The following POLR2F variants were observed in gnomAD, a reference collection of about 807,000 sequenced individuals.
POLR2F encodes DNA-directed RNA polymerases I, II, and III subunit RPABC2.
In POLR2F, 12 loss-of-function variants were observed where a neutral mutation model predicts 22.7. The ratio of observed to expected loss-of-function variants is 0.53; its 90% CI spans 0.34 to 0.86. The LOEUF (loss-of-function observed/expected upper bound fraction) is 0.86, where lower values mean the gene tolerates loss of function less well. Ranked by LOEUF, POLR2F falls within the 40% of genes least tolerant of loss-of-function variation. The probability of loss-of-function intolerance (pLI) is 0.02; values close to 1 mark genes in which losing one functional copy is unlikely to be tolerated. For synonymous variants in POLR2F, 57 were observed against 66.0 expected (o/e 0.86, Z 0.66); for missense variants, 126 against 171.5 (o/e 0.73, Z 1.48).
chr22:37,975,207 G>A (rs1221676038), intron 4 of POLR2F, among the ~76,000 whole-genome samples: 2 of 152,188 alleles, frequency 1.3e-5, no homozygotes, highest in African/African-American at 2.4e-5. Flanking sequence ...GGATACTAAT[G>A]TAAATAAAAT....
rs147409260 is a variant in POLR2F, at chr22:37,992,490, G to C, written c.120+6178G>C. Among the ~76,000 whole-genome samples the C allele has an allele frequency of 8.7e-3, 1,322 of 152,096 alleles. 25 individuals carry two copies. The highest frequency in any genetic ancestry group is 0.031 in the African/African-American group (1,278 of 41,464). ...GCTCACTGCAACATTTGGCTCCCAGGTTCAAGCAATTCTCCTGCCTCAGCC... is the reference window on the plus strand; with the variant it reads ...GCTCACTGCAACATTTGGCTCCCAGCTTCAAGCAATTCTCCTGCCTCAGCC... On this transcript the variant is annotated intron_variant, in intron 1 of 2. Transcript: ENST00000333418.
At chr22:37,972,869 CA>C (rs1415822089), downstream of POLR2F, 1 of 153,328 alleles carries the variant, frequency 6.5e-6, no homozygotes, top group Non-Finnish European at 1.5e-5. Context: ...AGAATTGGAT[CA>C]GGGGGCCTCT....
In POLR2F at chr22:37,997,574, G is replaced by A. The variant is rs530189278; in HGVS notation, c.120+11262G>A. On this transcript the variant is annotated intron_variant, in intron 1 of 2. Transcript: ENST00000333418. This position sits in a 1 kb window ranked among gnomAD's most constrained non-coding sequence, Gnocchi z 4.4. Reference sequence around the variant, plus strand: ...GGGAGGACCCTGGGAAAATGACAGAGATGGGGAGAGCTGACAAGTTAGAGA... The same window carrying A: ...GGGAGGACCCTGGGAAAATGACAGAAATGGGGAGAGCTGACAAGTTAGAGA... Among the ~76,000 whole-genome samples, 2 of 152,150 alleles carry A rather than the reference G, an allele frequency of 1.3e-5. No homozygotes were observed. The highest frequency in any genetic ancestry group is 2.9e-5 in the Non-Finnish European group (2 of 68,030).
exon 2 of POLR2F, chr22:38,026,096 T>C (rs1455791930): frequency 1.9e-6 from 1 of 533,986 alleles, no homozygotes; most frequent in Admixed American, 1.9e-5. Flanking sequence ...TCCCCTCAGG[T>C]GCCCCTGCCT....
At chr22:38,010,473 T>C (rs1461503619) in intron 1 of POLR2F, among the ~76,000 whole-genome samples, 1 of 152,234 alleles carries the variant, frequency 6.6e-6, no homozygotes, top group Non-Finnish European at 1.5e-5. Context: ...CCATTTCACA[T>C]TTCCAGCAGC....
At chr22:38,022,126 C>T (rs1235008102) in intron 1 of POLR2F, among the ~76,000 whole-genome samples, 2 of 87,432 alleles carry the variant, frequency 2.3e-5, no homozygotes, top group Non-Finnish European at 4.6e-5. Context: ...GGGATACTGT[C>T]TCAAAAAAAA....
chr22:38,027,102 G>A (rs949126060), downstream of POLR2F, among the ~76,000 whole-genome samples: 2 of 152,162 alleles, frequency 1.3e-5, no homozygotes, highest in Non-Finnish European at 2.9e-5. Context: ...GTGTGTCGTG[G>A]AGTGCGAGAT....
rs139752010 is a variant in POLR2F at position 37,996,637 on chromosome 22, A to G, written c.120+10325A>G. ...GCAGACCTAGCTGCAGTGTCACTCA[A>G]CAGGAGGAAGAGCCCTGGGTGGGAC... is the stretch of plus-strand genomic sequence containing the variant. On this transcript the variant is annotated intron_variant, in intron 1 of 2. Transcript: ENST00000333418. Among the ~76,000 whole-genome samples, 33 of 152,324 alleles carry G rather than the reference A, an allele frequency of 2.2e-4. No homozygotes were observed. The East Asian group carries it at 5.8e-3, about 27-fold the overall frequency.
At chr22:38,030,485 C>T (rs145979645), downstream of POLR2F, among the ~76,000 whole-genome samples, 9 of 152,304 alleles carry the variant, frequency 5.9e-5, no homozygotes, top group African/African-American at 1.9e-4. Context: ...CTGACTCCAG[C>T]GCACTGCCAC....
intron 5 of POLR2F, among the ~76,000 whole-genome samples, chr22:38,034,495 C>T (rs780572983): frequency 6.6e-6 from 1 of 152,222 alleles, no homozygotes; most frequent in Non-Finnish European, 1.5e-5. Flanking sequence ...CCTGCACCAG[C>T]TCTAAGGAGA....
At chr22:37,970,684 G>T (rs915312650), downstream of POLR2F, 1 of 154,744 alleles carries the variant, frequency 6.5e-6, no homozygotes, top group African/African-American at 2.4e-5. Flanking sequence ...GTACACAGGT[G>T]TCCCTCTTCA....
intron 3 of POLR2F, among the ~76,000 whole-genome samples, chr22:37,960,382 C>T (rs890837700): frequency 2.0e-5 from 3 of 152,060 alleles, no homozygotes; most frequent in Admixed American, 6.6e-5. Context: ...CACCACCACA[C>T]CTGGCTAATT....
In POLR2F at chr22:38,022,630, GTTTA is replaced by G. The variant is rs1166919917; in HGVS notation, c.121-3231_121-3228del. Among the ~76,000 whole-genome samples the G allele has an allele frequency of 2.0e-5, 3 of 151,496 alleles. No individual in the cohort carries two copies. The East Asian group carries it at 5.8e-4, about 29-fold the overall frequency. The stretch of plus-strand genomic sequence containing the variant: ...TAAGTAAGATCTCAAGGCATTATCT[GTTTA>G]TTTATTTCTAAGTTATATACATGTT... On this transcript the variant is annotated intron_variant, in intron 1 of 2. Coordinates refer to the POLR2F transcript ENST00000333418.
chr22:38,031,362 TCTC>T (rs568035643), downstream of POLR2F, among the ~76,000 whole-genome samples: 191 of 152,100 alleles, frequency 1.3e-3, no homozygotes, highest in African/African-American at 4.5e-3. The surrounding 1 kb of genome is among the most constrained non-coding windows in gnomAD (Gnocchi z 4.1). Flanking sequence ...CTTGGCTACT[TCTC>T]CTACCCACGT....
chr22:37,985,330 G>A (rs1218264028), upstream of POLR2F: 1 of 152,058 alleles, frequency 6.6e-6, no homozygotes, highest in African/African-American at 2.4e-5. Flanking sequence ...CTTGGGAGAG[G>A]GTAGGGGAGT....
At chr22:37,970,337 T>C (rs1187309148), downstream of POLR2F, among the ~76,000 whole-genome samples, 8 of 148,684 alleles carry the variant, frequency 5.4e-5, no homozygotes, top group East Asian at 9.9e-4. Context: ...GTGCGGTGGC[T>C]TACGCCTGTA....
At chr22:38,026,513 G>A (rs1162119455) in exon 3 of POLR2F, 6 of 349,396 alleles carry the variant, frequency 1.7e-5, no homozygotes, top group Admixed American at 3.8e-5. Flanking sequence ...TCTGAGAGCA[G>A]AGGAGGGAAG....
chr22:38,038,193 C>A (rs1160165636), intron 5 of POLR2F, among the ~76,000 whole-genome samples: 1 of 152,128 alleles, frequency 6.6e-6, no homozygotes, highest in East Asian at 1.9e-4. Context: ...GCAAACTGTG[C>A]AAAGATGGAA....
At chr22:37,983,409 A>G (rs1012200020), upstream of POLR2F, 1 of 1,610,818 alleles carries the variant, frequency 6.2e-7, no homozygotes, top group African/African-American at 1.3e-5. The surrounding 1 kb of genome is among the most constrained non-coding windows in gnomAD (Gnocchi z 9.5). Context: ...AGGTGCGGGT[A>G]CTGGTCCGCG....
Sources: allele counts gnomAD v4.1 joint callset (sites outside exome capture counted in the v4.1 genomes callset), GRCh38; gene constraint gnomAD v4.1.1; non-coding constraint Gnocchi (gnomAD v3.1); transcripts MANE v1.5; gene names NCBI Gene and HGNC (gene_info 2026-07-23, HGNC 2026-07-21).